Variants in MRE11 observed in about 807,000 individuals in gnomAD.
MRE11 encodes MRE11 double strand break repair nuclease.
A neutral mutation model predicts 91.7 loss-of-function variants in MRE11; 62 were observed. The ratio of observed to expected loss-of-function variants is 0.68; its 90% confidence interval spans 0.55 to 0.84. The LOEUF is 0.84. MRE11 is among the 40% of genes least tolerant of loss of function. The pLI is 0.00. For missense variants in MRE11, 796 were observed against 852.9 expected (o/e 0.93, Z 0.83); for synonymous variants, 273 against 271.4 (o/e 1.01, Z -0.06).
chr11:94,454,736 A>C (rs1946203952), intron 14 of MRE11, among the ~76,000 whole-genome samples: 1 of 152,118 alleles, frequency 6.6e-6, no homozygotes. Flanking sequence ...TTCACTCTTA[A>C]CTCTTTTAAA....
Position 94,471,464 on chromosome 11 carries a change from G to T in MRE11, c.845+110C>A, listed in dbSNP as rs12277561. 1,958 of 957,926 alleles carry T rather than the reference G, an allele frequency of 2.0e-3. 19 individuals carry two copies. The African/African-American group carries it at 0.025, about 12-fold the overall frequency. The allele number at this position is 957,926 out of a possible 1,614,324, so 59.3% of individuals were successfully genotyped here. On this transcript the variant is annotated intron_variant, in intron 8 of 19. Transcript: ENST00000323929. ...TCAAAAATAAAGCTATCATATAAAT[G>T]ACAATACTGCCAGTTAGCGGTAACC...
In MRE11 at chr11:94,490,689, A is replaced by G. The variant is rs608452; in HGVS notation, c.153+144T>C. 832,407 of 838,890 alleles carry G rather than the reference A, an allele frequency of 0.99. 413,246 individuals are homozygous for G. The highest frequency in any genetic ancestry group is 1 in the East Asian group (40,401 of 40,402). The allele number at this position is 838,890 out of a possible 1,614,324, so 52.0% of individuals were successfully genotyped here. On this transcript the variant is annotated intron_variant, in intron 3 of 19. Coordinates refer to ENST00000323929, the MANE Select transcript of MRE11 (RefSeq NM_005591.4). ...TTTAAGACACAAAGCATACAAAATC[A>G]GCTTTGAGCTTTCAGTATATTGATA...
rs1945018717 is a variant in MRE11 at position 94,415,644 on chromosome 11, A to G, written c.*4481T>C. ...CTGAACAATAACATTTAAAACACAC[A>G]ACGGGAAGCAGCGCAGTTATCTCTC... On this transcript the variant is annotated 3_prime_UTR_variant, in exon 20 of 20. Transcript: ENST00000323929. 2 of 152,208 alleles carry G rather than the reference A, an allele frequency of 1.3e-5. No homozygotes were observed. The highest frequency in any genetic ancestry group is 2.9e-5 in the Non-Finnish European group (2 of 68,038). The allele number at this position is 152,208 out of a possible 1,614,324, so 9.4% of individuals were successfully genotyped here.
At chr11:94,443,930 T>G (rs1323930244) in intron 16 of MRE11, among the ~76,000 whole-genome samples, 1 of 151,172 alleles carries the variant, frequency 6.6e-6, no homozygotes, top group Non-Finnish European at 1.5e-5. Flanking sequence ...TTTTTTTTTT[T>G]TTTTTTTTTG....
intron 10 of MRE11, 44 bp from the exon 11 acceptor site, chr11:94,464,283 T>G: frequency 6.2e-7 from 1 of 1,612,844 alleles, no homozygotes; most frequent in Non-Finnish European, 8.5e-7. Context: ...AACAACAATT[T>G]GCCAATTTTT....
At chr11:94,449,609 GCAT>G (rs1353306405) in intron 14 of MRE11, among the ~76,000 whole-genome samples, 2 of 152,178 alleles carry the variant, frequency 1.3e-5, no homozygotes, top group African/African-American at 4.8e-5. Flanking sequence ...TGATAGTCAT[GCAT>G]TGCTTAATGA....
intron 16 of MRE11, 43 bp downstream of exon 16, chr11:94,445,767 T>C: frequency 6.9e-6 from 10 of 1,448,264 alleles, no homozygotes; most frequent in Non-Finnish European, 8.7e-6. Context: ...TTGGTCTTTC[T>C]AATGTTGGAA....
chr11:94,467,966 C>T (rs770952233), intron 9 of MRE11, 73 bp from the exon 10 acceptor site: 43 of 1,180,862 alleles, frequency 3.6e-5, no homozygotes, highest in Non-Finnish European at 4.8e-5. Context: ...CAGCTTATTA[C>T]CACAGGAATT....
the MRE11 span, among the ~76,000 whole-genome samples, chr11:94,506,307 T>C: frequency 1.1e-4 from 17 of 151,858 alleles, no homozygotes; most frequent in East Asian, 3.1e-3. Context: ...AATGTACCCC[T>C]GAACCTAAAA....
the MRE11 span, among the ~76,000 whole-genome samples, chr11:94,506,103 A>G: frequency 6.6e-6 from 1 of 152,140 alleles, no homozygotes; most frequent in Non-Finnish European, 1.5e-5. Flanking sequence ...CCATTAAGCG[A>G]CACATGACTG....
intron 2 of MRE11, 39 bp downstream of exon 2, chr11:94,492,743 A>G (rs762255308): frequency 3.7e-6 from 6 of 1,613,120 alleles, no homozygotes; most frequent in Non-Finnish European, 5.1e-6. Flanking sequence ...AGCTTTAGAA[A>G]CCCCAAATAA....
rs1947306852 is a variant in MRE11 at position 94,492,340 on chromosome 11, C to T, written c.20+442G>A. Among the ~76,000 whole-genome samples the T allele has an allele frequency of 3.9e-5, 6 of 152,114 alleles. No individual in the cohort carries two copies. In the South Asian group the frequency reaches 1.2e-3, roughly 31 times the overall value. On this transcript the variant is annotated intron_variant, in intron 2 of 19. Coordinates refer to ENST00000323929, the MANE Select transcript of MRE11 (RefSeq NM_005591.4). ...TGACCTCAGATGATCCCGCTAGCCTCGGCCTCCCAAAGTGCACATAACTTT... is the reference window on the plus strand; with the variant it reads ...TGACCTCAGATGATCCCGCTAGCCTTGGCCTCCCAAAGTGCACATAACTTT...
At position 94,490,949 on chromosome 11, in the gene MRE11, A is replaced by G. The variant is rs149101834; in HGVS notation, c.37T>C (p.Phe13Leu). ...ATATCTGTTGCAACTAATATTTTAA[A>G]TGTGTTTTCATCATCACTATATTAA... ...TADALDDENT[F>L]KILVATDIHL... Residue 13 changes from phenylalanine (F) to leucine (L), a missense_variant, in exon 3 of 20, where the codon TTT becomes CTT. Transcript: ENST00000323929. 3.4e-6 allele frequency: 5 copies of G among 1,476,894 alleles called. No individual in the cohort carries two copies. The East Asian group carries it at 1.1e-4, about 33-fold the overall frequency. 91.5% of individuals were successfully genotyped at this position (1,476,894 alleles called of 1,614,324 possible). A position where few individuals can be genotyped will look rare whatever the true frequency, so the allele number is the denominator to read the frequency against.
chr11:94,429,464 A>G (rs561115471), intron 19 of MRE11, among the ~76,000 whole-genome samples: 180 of 152,348 alleles, frequency 1.2e-3, no homozygotes, highest in African/African-American at 4.0e-3. Flanking sequence ...GATAAAGAAA[A>G]TGGTGGTACA....
intron 3 of MRE11, 29 bp from the exon 4 acceptor site, chr11:94,486,113 A>T: frequency 6.2e-7 from 1 of 1,612,276 alleles, no homozygotes; most frequent in South Asian, 1.1e-5. Flanking sequence ...TGTTAAAATT[A>T]GTATGTTTTA....
chr11:94,505,107 ACG>A, the MRE11 span, among the ~76,000 whole-genome samples: 1 of 152,198 alleles, frequency 6.6e-6, no homozygotes, highest in African/African-American at 2.4e-5. Flanking sequence ...ACATACAACT[ACG>A]TACAGTACAC....
chr11:94,433,480 T>C (rs1354476218), intron 18 of MRE11, among the ~76,000 whole-genome samples: 1 of 152,216 alleles, frequency 6.6e-6, no homozygotes, highest in Non-Finnish European at 1.5e-5. Flanking sequence ...ACTTGCTTCT[T>C]CAATAGACTG....
Position 94,429,241 on chromosome 11 carries a change from T to C in MRE11, c.2070+670A>G, listed in dbSNP as rs1945401536. Among the ~76,000 whole-genome samples, 3 of 152,342 alleles carry C rather than the reference T, an allele frequency of 2.0e-5. No individual in the cohort carries two copies. The South Asian group carries it at 6.2e-4, about 32-fold the overall frequency. On this transcript the variant is annotated intron_variant, in intron 19 of 19. Coordinates refer to ENST00000323929, the MANE Select transcript of MRE11 (RefSeq NM_005591.4). ...AGGGAATGCTTATACATTGTTGGAA[T>C]GTAAATTCATTCAGCCATTATAAGC... is the stretch of plus-strand genomic sequence containing the variant.
intron 11 of MRE11, among the ~76,000 whole-genome samples, chr11:94,461,753 A>C (rs977514610): frequency 2.0e-5 from 3 of 152,226 alleles, no homozygotes; most frequent in African/African-American, 7.2e-5. Flanking sequence ...TAAGCTGATA[A>C]GCAACTTCAG....
Sources: allele counts gnomAD v4.1 joint callset (sites outside exome capture counted in the v4.1 genomes callset), GRCh38; gene constraint gnomAD v4.1.1; transcripts MANE v1.5; gene names NCBI Gene and HGNC (gene_info 2026-07-23, HGNC 2026-07-21).